CDK14: variants seen among roughly 807,000 people sequenced by gnomAD.
CDK14 encodes the protein cyclin-dependent kinase 14.
In CDK14, 34 loss-of-function variants were observed where a neutral mutation model predicts 60.7. That is an observed-to-expected ratio of 0.56 (90% confidence interval 0.43 to 0.75). The LOEUF is 0.75. CDK14 is among the 30% of genes least tolerant of loss of function. The pLI, the probability that CDK14 is intolerant of heterozygous loss-of-function variation, is 0.00. For missense variants in CDK14, 482 were observed against 564.1 expected (o/e 0.85, Z 1.47); for synonymous variants, 197 against 203.7 (o/e 0.97, Z 0.28).
intron 2 of CDK14, among the ~76,000 whole-genome samples, chr7:90,635,301 A>C (rs373208197): frequency 4.6e-5 from 7 of 152,140 alleles, no homozygotes; most frequent in Non-Finnish European, 8.8e-5. Context: ...ATCTTGAATT[A>C]ATTTTTGTAT....
chr7:90,823,277 G>A (rs1789613556), intron 5 of CDK14, among the ~76,000 whole-genome samples: 1 of 152,140 alleles, frequency 6.6e-6, no homozygotes, highest in South Asian at 2.1e-4. Flanking sequence ...AATTCCCAAA[G>A]GAGATATCTA....
chr7:91,042,521 G>T (rs1797119384), intron 10 of CDK14, among the ~76,000 whole-genome samples: 1 of 152,148 alleles, frequency 6.6e-6, no homozygotes, highest in Non-Finnish European at 1.5e-5. Flanking sequence ...CTTCTGTGAG[G>T]AGTACAATAA....
At chr7:91,123,639 G>A (rs1177198455) in intron 14 of CDK14, among the ~76,000 whole-genome samples, 1 of 151,818 alleles carries the variant, frequency 6.6e-6, no homozygotes, top group Non-Finnish European at 1.5e-5. Flanking sequence ...TTAGCTTCCT[G>A]TCTACCCTGG....
At chr7:90,814,052 ATG>A (rs1367688937) in intron 5 of CDK14, among the ~76,000 whole-genome samples, 2 of 152,200 alleles carry the variant, frequency 1.3e-5, no homozygotes, top group Non-Finnish European at 2.9e-5. Flanking sequence ...TTCTCTAAAT[ATG>A]TGTTACTTTT....
intron 2 of CDK14, among the ~76,000 whole-genome samples, chr7:90,640,039 A>G (rs1024868727): frequency 1.3e-5 from 2 of 152,052 alleles, no homozygotes; most frequent in Admixed American, 6.5e-5. Flanking sequence ...TTCCTTGACC[A>G]GGAAAGGGAA....
chr7:90,910,906 T>C (rs1792874670), intron 7 of CDK14, among the ~76,000 whole-genome samples: 1 of 152,168 alleles, frequency 6.6e-6, no homozygotes, highest in Admixed American at 6.6e-5. Flanking sequence ...ATCCATTGGT[T>C]ATTTTTCCTG....
intron 5 of CDK14, among the ~76,000 whole-genome samples, chr7:90,818,042 G>A (rs989094238): frequency 1.3e-5 from 2 of 152,094 alleles, no homozygotes; most frequent in African/African-American, 2.4e-5. Flanking sequence ...GCTGCTTCCC[G>A]GAGGCAGGAT....
intron 2 of CDK14, among the ~76,000 whole-genome samples, chr7:90,617,144 G>A (rs1290343686): frequency 6.6e-6 from 1 of 151,690 alleles, no homozygotes; most frequent in Non-Finnish European, 1.5e-5. Context: ...GTATGATCTC[G>A]GTTTTGTAAG....
intron 14 of CDK14, among the ~76,000 whole-genome samples, chr7:91,172,558 C>T (rs1314074095): frequency 6.6e-6 from 1 of 152,174 alleles, no homozygotes; most frequent in African/African-American, 2.4e-5. Context: ...TAGAAATGTT[C>T]CAGTGGGTCC....
chr7:90,669,177 C>T (rs1032649184), intron 2 of CDK14, among the ~76,000 whole-genome samples: 8 of 152,090 alleles, frequency 5.3e-5, no homozygotes, highest in Admixed American at 1.3e-4. Flanking sequence ...AATCTGTTTG[C>T]GTAGTAGGTA....
At chr7:91,095,099 C>G (rs1798942324) in intron 12 of CDK14, among the ~76,000 whole-genome samples, 1 of 151,988 alleles carries the variant, frequency 6.6e-6, no homozygotes, top group South Asian at 2.1e-4. Flanking sequence ...GCGAGGACAG[C>G]AAACAAAAAA....
At chr7:91,184,604 G>A (rs1057352390) in intron 14 of CDK14, among the ~76,000 whole-genome samples, 3 of 152,158 alleles carry the variant, frequency 2.0e-5, no homozygotes, top group African/African-American at 7.2e-5. Context: ...AGGACAAGAG[G>A]GAGCTTCTAG....
chr7:90,979,562 G>C (rs1795172619), intron 9 of CDK14: 1 of 152,174 alleles, frequency 6.6e-6, no homozygotes, highest in Admixed American at 6.5e-5. Context: ...CTACTAAACA[G>C]AAAGTTGATA....
intron 2 of CDK14, among the ~76,000 whole-genome samples, chr7:90,645,401 A>T (rs572696838): frequency 6.0e-4 from 92 of 152,074 alleles, no homozygotes; most frequent in Non-Finnish European, 1.3e-3. Flanking sequence ...CTCTAAAGAG[A>T]CTTGTTAGTT....
intron 2 of CDK14, among the ~76,000 whole-genome samples, chr7:90,696,347 T>C (rs1403004348): frequency 6.8e-6 from 1 of 146,788 alleles, no homozygotes. Context: ...TTTTTTTTTT[T>C]TTTTTTTTTT....
At chr7:90,621,655 T>G (rs17875065) in intron 2 of CDK14, among the ~76,000 whole-genome samples, 12,905 of 110,590 alleles carry the variant, frequency 0.12, 719 homozygotes, top group Middle Eastern at 0.25. Context: ...CTTCCTTCCT[T>G]CCTTCCTTCC....
intron 14 of CDK14, among the ~76,000 whole-genome samples, chr7:91,130,371 A>T (rs1195184681): frequency 6.6e-6 from 1 of 152,176 alleles, no homozygotes; most frequent in African/African-American, 2.4e-5. Context: ...TTTAATTAAC[A>T]GTTTTAATTT....
intron 2 of CDK14, among the ~76,000 whole-genome samples, chr7:90,712,401 A>G (rs925958698): frequency 2.6e-5 from 4 of 151,292 alleles, no homozygotes; most frequent in African/African-American, 9.7e-5. Context: ...AGTCATATGT[A>G]TTTTTTCTTT....
chr7:91,115,779 G>T (rs1041928385), intron 13 of CDK14, among the ~76,000 whole-genome samples: 2 of 152,086 alleles, frequency 1.3e-5, no homozygotes, highest in Non-Finnish European at 2.9e-5. Flanking sequence ...TCATAGATTC[G>T]TACAAAAGTG....
Sources: allele counts gnomAD v4.1 joint callset (sites outside exome capture counted in the v4.1 genomes callset), GRCh38; gene constraint gnomAD v4.1.1; transcripts MANE v1.5; gene names NCBI Gene and HGNC (gene_info 2026-07-23, HGNC 2026-07-21).